Variants in SFMBT1 observed in about 807,000 individuals in gnomAD.
SFMBT1 encodes the protein scm-like with four MBT domains protein 1.
Under a neutral mutation model 108.7 loss-of-function variants are expected in SFMBT1, and 32 were observed. The observed-to-expected ratio is 0.29, with a 90% CI of 0.22 to 0.40. SFMBT1 has a LOEUF of 0.40. SFMBT1 is among the 10% of genes least tolerant of loss of function. The pLI is 1.00. For synonymous variants in SFMBT1, 348 were observed against 369.5 expected (o/e 0.94, Z 0.67); for missense variants, 816 against 1,059.6 (o/e 0.77, Z 3.19).
chr3:52,916,116 G>A (rs754297996), intron 14 of SFMBT1, 34 bp downstream of exon 14: 2 of 1,570,074 alleles, frequency 1.3e-6, no homozygotes, highest in Non-Finnish European at 1.8e-6. Context: ...AAGAAACTAA[G>A]TCTTCTTTTC....
chr3:52,919,586 G>C (rs912712995), intron 12 of SFMBT1, among the ~76,000 whole-genome samples: 1 of 152,204 alleles, frequency 6.6e-6, no homozygotes, highest in Non-Finnish European at 1.5e-5. Flanking sequence ...GTGATAGCTG[G>C]TACGTCAATT....
At chr3:52,947,011 A>G (rs1703391016) in intron 3 of SFMBT1, among the ~76,000 whole-genome samples, 1 of 151,900 alleles carries the variant, frequency 6.6e-6, no homozygotes, top group Admixed American at 6.6e-5. Context: ...GCCTCAAGCG[A>G]TCCACCTGCC....
At chr3:53,028,591 T>TG (rs1381451237) in intron 1 of SFMBT1, among the ~76,000 whole-genome samples, 1 of 151,972 alleles carries the variant, frequency 6.6e-6, no homozygotes, top group Non-Finnish European at 1.5e-5. Context: ...GAAAACAGCT[T>TG]GAGTCCAGGA....
chr3:52,993,694 AT>A (rs1452833924), intron 1 of SFMBT1, among the ~76,000 whole-genome samples: 8 of 150,286 alleles, frequency 5.3e-5, no homozygotes, highest in Admixed American at 1.3e-4. Context: ...GGGGAAAAAA[AT>A]CCCATACAAA....
chr3:52,985,627 G>A (rs146938898), intron 1 of SFMBT1, among the ~76,000 whole-genome samples: 2 of 152,266 alleles, frequency 1.3e-5, no homozygotes, highest in African/African-American at 4.8e-5. Flanking sequence ...ATGAGGATAT[G>A]TTCTGAGAAA....
At chr3:53,011,055 C>T (rs1559548567) in intron 1 of SFMBT1, among the ~76,000 whole-genome samples, 4 of 152,086 alleles carry the variant, frequency 2.6e-5, no homozygotes. Context: ...TCAGTCTTGC[C>T]CTAAAGGATT....
At chr3:52,916,676 C>A (rs984055044) in intron 13 of SFMBT1, among the ~76,000 whole-genome samples, 7 of 151,292 alleles carry the variant, frequency 4.6e-5, no homozygotes, top group Middle Eastern at 3.4e-3. Flanking sequence ...GTCAAAAAAA[C>A]CAAACAACAA....
At chr3:52,969,024 A>C in intron 2 of SFMBT1, 77 bp downstream of exon 2, 1 of 1,553,782 alleles carries the variant, frequency 6.4e-7, no homozygotes, top group Non-Finnish European at 8.9e-7. Context: ...TCAGTGGTAG[A>C]GAAACAGACA....
chr3:52,971,628 C>T (rs1036233724), intron 1 of SFMBT1, among the ~76,000 whole-genome samples: 2 of 152,062 alleles, frequency 1.3e-5, no homozygotes, highest in African/African-American at 2.4e-5. Flanking sequence ...ATGGTTCCTG[C>T]TTTCATGGAG....
At chr3:52,966,289 T>C (rs1264781950) in intron 2 of SFMBT1, among the ~76,000 whole-genome samples, 11 of 132,652 alleles carry the variant, frequency 8.3e-5, no homozygotes, top group Admixed American at 8.2e-4. Context: ...GCCACTGCAC[T>C]GCAGCCTGGG....
Position 52,966,495 on chromosome 3 carries a change from G to A in SFMBT1, c.28+2606C>T, listed in dbSNP as rs1471890433. On this transcript the variant is annotated intron_variant, in intron 2 of 20. Transcript: ENST00000394752. Reference sequence around the variant, plus strand: ...AAAAAGTTAGCCAAGCGTGGTGGTGGGCGCCTGTAGTCCCAGATACTTGGG... The same window carrying A: ...AAAAAGTTAGCCAAGCGTGGTGGTGAGCGCCTGTAGTCCCAGATACTTGGG... Among the ~76,000 whole-genome samples the A allele has an allele frequency of 4.6e-5, 7 of 150,968 alleles. No homozygotes were observed. The East Asian group carries it at 1.2e-3, about 25-fold the overall frequency.
At chr3:52,992,107 C>T (rs528713625) in intron 1 of SFMBT1, among the ~76,000 whole-genome samples, 18 of 152,198 alleles carry the variant, frequency 1.2e-4, no homozygotes, top group Middle Eastern at 3.2e-3. Flanking sequence ...TGCAAAGTCC[C>T]TATGGCTTCT....
chr3:52,922,233 C>T (rs1477574734), intron 10 of SFMBT1, among the ~76,000 whole-genome samples: 2 of 152,150 alleles, frequency 1.3e-5, no homozygotes, highest in Non-Finnish European at 1.5e-5. Context: ...GACTCACTTC[C>T]CCTCATATAA....
intron 15 of SFMBT1, 76 bp from the exon 16 acceptor site, chr3:52,912,723 T>C (rs984978675): frequency 9.5e-7 from 1 of 1,049,312 alleles, no homozygotes; most frequent in Admixed American, 1.9e-5. Flanking sequence ...CATCTCTTCC[T>C]TAAAATGTTA....
intron 3 of SFMBT1, among the ~76,000 whole-genome samples, chr3:52,944,803 G>A (rs1467525572): frequency 2.0e-5 from 3 of 152,066 alleles, no homozygotes; most frequent in Non-Finnish European, 2.9e-5. Context: ...TTACAGGCGT[G>A]AGCCACCAGG....
chr3:53,001,925 TCACACACACACACACACACACA>T lies in SFMBT1; in HGVS notation c.-130-32689_-130-32668del, dbSNP rs59572829. On this transcript the variant is annotated intron_variant, in intron 1 of 20. Coordinates refer to ENST00000394752, the MANE Select transcript of SFMBT1 (RefSeq NM_016329.4). ...GGGCAACAGAGCAAGACCCAGTCTC[TCACACACACACACACACACACA>T]CACACACACACACACACACACACAC... Among the ~76,000 whole-genome samples the T allele has an allele frequency of 1.0e-3, 135 of 129,236 alleles. 2 individuals are homozygous for T. Among genetic ancestry groups the T allele is most frequent in the African/African-American group, 3.6e-3 (128 of 35,830 alleles). 84.8% of individuals were successfully genotyped at this position (129,236 alleles called of 152,430 possible).
At chr3:53,038,927 G>C (rs1699949774) in intron 1 of SFMBT1, among the ~76,000 whole-genome samples, 1 of 152,136 alleles carries the variant, frequency 6.6e-6, no homozygotes, top group South Asian at 2.1e-4. Context: ...TTGGTTAACT[G>C]TTCTGGACGA....
In SFMBT1 at chr3:52,969,141, T is replaced by C. The variant is rs374307516; in HGVS notation, c.-13A>G. On this transcript the variant is annotated 5_prime_UTR_variant, in exon 2 of 21. Transcript: ENST00000394752. ...GCTCCCCGTTCATTTCCACAGCATA[T>C]AGGCAGGCTATATCCTCCCAAAACA... is the stretch of plus-strand genomic sequence containing the variant. 33 of 1,613,886 alleles carry C rather than the reference T, an allele frequency of 2.0e-5. No individual in the cohort carries two copies. The highest frequency in any genetic ancestry group is 2.7e-5 in the Non-Finnish European group (32 of 1,179,974).
chr3:53,025,293 C>G (rs929541234), intron 1 of SFMBT1, among the ~76,000 whole-genome samples: 5 of 152,100 alleles, frequency 3.3e-5, no homozygotes, highest in African/African-American at 1.2e-4. Context: ...ATAAATGAAG[C>G]CTGGTCATTC....
Sources: gnomAD v4.1 joint callset for allele counts (sites outside exome capture counted in the v4.1 genomes callset) on GRCh38, gnomAD v4.1.1 for gene constraint, MANE v1.5 for transcripts, NCBI Gene and HGNC (gene_info 2026-07-23, HGNC 2026-07-21) for gene names.